KCND2: variants seen among roughly 807,000 people sequenced by gnomAD.
The protein encoded by KCND2 is potassium voltage-gated channel subfamily D member 2.
KCND2 carries 16 observed loss-of-function variants against 54.4 expected under a neutral mutation model. The ratio of observed to expected loss-of-function variants is 0.29; its 90% confidence interval spans 0.20 to 0.45. The LOEUF (loss-of-function observed/expected upper bound fraction) is 0.45. KCND2 is among the 20% of genes least tolerant of loss of function. The pLI is 1.00. For synonymous variants in KCND2, 317 were observed against 310.7 expected (o/e 1.02, Z -0.21); for missense variants, 486 against 824.2 (o/e 0.59, Z 5.02).
chr7:120,369,800 T>A (rs1189906760), intron 1 of KCND2, among the ~76,000 whole-genome samples: 6 of 152,060 alleles, frequency 3.9e-5, no homozygotes, highest in South Asian at 2.1e-4. Flanking sequence ...CCACCTGTTA[T>A]GTACCAGGCA....
At chr7:120,325,076 T>C (rs1799954716) in intron 1 of KCND2, among the ~76,000 whole-genome samples, 2 of 146,228 alleles carry the variant, frequency 1.4e-5, no homozygotes, top group Admixed American at 1.4e-4. Context: ...TGAATGGGAG[T>C]TCACTCATGA....
intron 1 of KCND2, among the ~76,000 whole-genome samples, chr7:120,283,703 G>A (rs1799298810): frequency 6.6e-6 from 1 of 152,098 alleles, no homozygotes; most frequent in Non-Finnish European, 1.5e-5. Flanking sequence ...ATATAGATTT[G>A]CATACTTAAT....
chr7:120,630,528 A>G (rs563602423), intron 1 of KCND2, among the ~76,000 whole-genome samples: 2 of 152,266 alleles, frequency 1.3e-5, no homozygotes, highest in South Asian at 4.1e-4. Flanking sequence ...CGGATTTTTT[A>G]TATTTCATAA....
At chr7:120,434,698 C>T (rs1242957539) in intron 1 of KCND2, among the ~76,000 whole-genome samples, 1 of 152,176 alleles carries the variant, frequency 6.6e-6, no homozygotes, top group Non-Finnish European at 1.5e-5. Context: ...ACTTCCTTGT[C>T]TTTGGACAGT....
At chr7:120,601,893 G>A (rs76192678) in intron 1 of KCND2, among the ~76,000 whole-genome samples, 119 of 152,250 alleles carry the variant, frequency 7.8e-4, no homozygotes, top group African/African-American at 2.7e-3. Flanking sequence ...ACCTGCTCAC[G>A]TGTGAGGCCA....
chr7:120,712,691 T>G (rs1792556303), intron 1 of KCND2, among the ~76,000 whole-genome samples: 1 of 152,154 alleles, frequency 6.6e-6, no homozygotes, highest in Admixed American at 6.6e-5. Context: ...AGAATAAATT[T>G]TATTTGGTTT....
At chr7:120,608,904 G>A (rs148612992) in intron 1 of KCND2, among the ~76,000 whole-genome samples, 1 of 152,164 alleles carries the variant, frequency 6.6e-6, no homozygotes, top group Non-Finnish European at 1.5e-5. Flanking sequence ...CAAAAACAAA[G>A]CAAAATAAAA....
intron 1 of KCND2, among the ~76,000 whole-genome samples, chr7:120,515,247 A>T (rs1300680213): frequency 1.3e-5 from 2 of 151,986 alleles, no homozygotes; most frequent in Non-Finnish European, 2.9e-5. Flanking sequence ...CCTCACATCA[A>T]AGTATTCCTT....
intron 1 of KCND2, among the ~76,000 whole-genome samples, chr7:120,658,656 G>C (rs1791831525): frequency 6.6e-6 from 1 of 152,094 alleles, no homozygotes; most frequent in South Asian, 2.1e-4. Context: ...AACCTTGAAA[G>C]AAAAAGGTCC....
intron 1 of KCND2, among the ~76,000 whole-genome samples, chr7:120,704,719 G>T (rs1409415009): frequency 6.6e-6 from 1 of 152,096 alleles, no homozygotes; most frequent in African/African-American, 2.4e-5. Context: ...CTTGTTATTT[G>T]TAGTCAGCCT....
At chr7:120,524,972 T>C (rs969121942) in intron 1 of KCND2, among the ~76,000 whole-genome samples, 8 of 152,210 alleles carry the variant, frequency 5.3e-5, no homozygotes, top group African/African-American at 1.2e-4. Flanking sequence ...TTAATACTTA[T>C]AGATCTCTAT....
intron 1 of KCND2, among the ~76,000 whole-genome samples, chr7:120,350,464 C>T (rs996940023): frequency 2.6e-5 from 4 of 152,080 alleles, no homozygotes; most frequent in Non-Finnish European, 5.9e-5. Flanking sequence ...AGGATCTTAA[C>T]TTTCATATCC....
chr7:120,578,091 G>GAGAGGA (rs1231003280), intron 1 of KCND2, among the ~76,000 whole-genome samples: 3 of 151,454 alleles, frequency 2.0e-5, no homozygotes, highest in Non-Finnish European at 2.9e-5. Context: ...GAAGGAGAAG[G>GAGAGGA]AGAGGAAGAG....
chr7:120,577,317 T>C (rs1356970723), intron 1 of KCND2, among the ~76,000 whole-genome samples: 1 of 152,200 alleles, frequency 6.6e-6, no homozygotes, highest in Non-Finnish European at 1.5e-5. Context: ...AGGTGATTAA[T>C]TATTGCAGAA....
At chr7:120,409,234 G>A (rs968398955) in intron 1 of KCND2, among the ~76,000 whole-genome samples, 1 of 151,860 alleles carries the variant, frequency 6.6e-6, no homozygotes, top group South Asian at 2.1e-4. Flanking sequence ...CTTTGGAAAA[G>A]ATATTTAACC....
rs1337801746 is a variant in KCND2, at chr7:120,566,693, G to C, written c.1116-166210G>C. ...TACTATTTTTGTAAGGGTCGCTAAG[G>C]CTCAGAACAGTTAAATAAATTGGCA... On this transcript the variant is annotated intron_variant, in intron 1 of 5. Transcript: ENST00000331113. Among the ~76,000 whole-genome samples, 3 of 151,932 alleles carry C rather than the reference G, an allele frequency of 2.0e-5. No homozygotes were observed. In the East Asian group the frequency reaches 5.8e-4, roughly 29 times the overall value.
At chr7:120,281,188 C>T (rs1799255186) in intron 1 of KCND2, among the ~76,000 whole-genome samples, 1 of 152,074 alleles carries the variant, frequency 6.6e-6, no homozygotes, top group Non-Finnish European at 1.5e-5. Flanking sequence ...TGAAAGAACA[C>T]AAATGGTGAA....
At chr7:120,388,006 G>A (rs1038977807) in intron 1 of KCND2, among the ~76,000 whole-genome samples, 3 of 151,912 alleles carry the variant, frequency 2.0e-5, no homozygotes, top group African/African-American at 7.2e-5. Flanking sequence ...CATAAAAACA[G>A]ATTTTTGTAA....
chr7:120,281,051 C>A (rs556368563), intron 1 of KCND2, among the ~76,000 whole-genome samples: 1 of 151,956 alleles, frequency 6.6e-6, no homozygotes, highest in Admixed American at 6.6e-5. Context: ...GGCCGTTTGG[C>A]GGCAAACTAC....
Sources: allele counts gnomAD v4.1 joint callset (sites outside exome capture counted in the v4.1 genomes callset), GRCh38; gene constraint gnomAD v4.1.1; transcripts MANE v1.5; gene names NCBI Gene and HGNC (gene_info 2026-07-23, HGNC 2026-07-21).